Variants in H2AZ2 observed in about 807,000 individuals in gnomAD.
The protein encoded by H2AZ2 is H2A.Z variant histone 2.
H2AZ2 carries 5 observed loss-of-function variants against 15.5 expected under a neutral mutation model. The observed-to-expected ratio is 0.32, with a 90% CI of 0.17 to 0.68. The LOEUF is 0.68. H2AZ2 is among the 30% of genes least tolerant of loss of function. The pLI, the probability that H2AZ2 is intolerant of heterozygous loss-of-function variation, is 0.72. For missense variants in H2AZ2, 42 were observed against 162.5 expected (o/e 0.26, Z 4.03); for synonymous variants, 44 against 57.4 (o/e 0.77, Z 1.05).
chr7:44,835,325 T>C, intron 4 of H2AZ2: 1 of 441,748 alleles, frequency 2.3e-6, no homozygotes. Context: ...CTGGCTAAAA[T>C]AAAAATAGCA....
At chr7:44,847,765 C>T (rs144823791) in intron 1 of H2AZ2, among the ~76,000 whole-genome samples, 2 of 152,204 alleles carry the variant, frequency 1.3e-5, no homozygotes, top group Admixed American at 1.3e-4. Context: ...GCGCTCTACC[C>T]GGCCAGGCCC....
At chr7:44,837,990 A>G (rs13243426) in intron 3 of H2AZ2, among the ~76,000 whole-genome samples, 1 of 150,060 alleles carries the variant, frequency 6.7e-6, no homozygotes, top group Non-Finnish European at 1.5e-5. Flanking sequence ...TCTTTTTTTT[A>G]AGACGGAGTC....
rs1172044728 is a variant in H2AZ2, at chr7:44,847,980, C to A, written c.-9G>T. 1.4e-6 allele frequency: 2 copies of A among 1,443,656 alleles called. No individual in the cohort carries two copies. The highest frequency in any genetic ancestry group is 1.5e-5 in the African/African-American group (1 of 68,004). The allele number at this position is 1,443,656 out of a possible 1,614,324, so 89.4% of individuals were successfully genotyped here. On this transcript the variant is annotated 5_prime_UTR_variant, in exon 1 of 5. Coordinates refer to ENST00000308153, the MANE Select transcript of H2AZ2 (RefSeq NM_012412.5). ...CCGGCCGCCCTTACCATGTTCTCGG[C>A]GCCGACTCCGCCTCCGCTCGGCCGC...
chr7:44,835,144 C>CTTA, intron 4 of H2AZ2: 1 of 216,616 alleles, frequency 4.6e-6, no homozygotes, highest in Non-Finnish European at 9.1e-6. Flanking sequence ...GAACCACCAA[C>CTTA]TTACCTCTCA....
chr7:44,839,690 AT>A (rs1300618778), intron 3 of H2AZ2, among the ~76,000 whole-genome samples: 1 of 151,404 alleles, frequency 6.6e-6, no homozygotes, highest in African/African-American at 2.4e-5. Context: ...TCAAAAAAAA[AT>A]AAATAAATAA....
In H2AZ2 at chr7:44,843,340, A is replaced by T. The variant is rs749690202; in HGVS notation, c.18T>A (p.Ala6=). The change falls in exon 2 of 5, where the codon GCT becomes GCA. Residue 6 remains alanine (A), a synonymous_variant. Transcript: ENST00000308153. ...CCTTGGCCTTCCCACTGTCCTTTCCAGCTTTGCCTCCAGCCTAAATGCAAA... is the reference window on the plus strand; with the variant it reads ...CCTTGGCCTTCCCACTGTCCTTTCCTGCTTTGCCTCCAGCCTAAATGCAAA... MAGGK[A]GKDSGKAKAK... 1 of 1,612,348 alleles carries T rather than the reference A, an allele frequency of 6.2e-7. No homozygotes were observed. The highest frequency in any genetic ancestry group is 8.5e-7 in the Non-Finnish European group (1 of 1,179,442).
At position 44,839,499 on chromosome 7, in the gene H2AZ2, A is replaced by T. The variant is rs377310311; in HGVS notation, c.195+1400T>A. 1.3e-4 allele frequency among the ~76,000 whole-genome samples: 20 copies of T among 150,734 alleles called. No homozygotes were observed. The South Asian group carries it at 1.7e-3, about 13-fold the overall frequency. On this transcript the variant is annotated intron_variant, in intron 3 of 4. Transcript: ENST00000308153. ...AGACCATCCTGGCTACCACGGTGAA[A>T]CCCCGTCTCTACTAAAAATACAAAA...
chr7:44,846,062 C>CACACACACACAGAGAGAG lies in H2AZ2; in HGVS notation c.3+1906_3+1907insCTCTCTCTGTGTGTGTGT, dbSNP rs57468916. Among the ~76,000 whole-genome samples the CACACACACACAGAGAGAG allele has an allele frequency of 5.3e-3, 394 of 75,042 alleles. 1 individual carries two copies. The highest frequency in any genetic ancestry group is 0.014 in the Admixed American group (100 of 7,130). The allele number at this position is 75,042 out of a possible 152,430, so 49.2% of individuals were successfully genotyped here. On this transcript the variant is annotated intron_variant, in intron 1 of 4. Transcript: ENST00000308153. ...ACACACACACACACACACACACACACAGAGAGAGACAGAGAGAGAGAGAGA... is the reference window on the plus strand; with the variant it reads ...ACACACACACACACACACACACACACACACACACACAGAGAGAGAGAGAGAGACAGAGAGAGAGAGAGA...
intron 1 of H2AZ2, among the ~76,000 whole-genome samples, chr7:44,846,062 C>CAGAGAGAG (rs1554336348): frequency 6.8e-4 from 51 of 75,138 alleles, no homozygotes; most frequent in Admixed American, 1.4e-3. Flanking sequence ...CACACACACA[C>CAGAGAGAG]AGAGAGAGAC....
At chr7:44,828,962 C>T (rs1022549008), downstream of H2AZ2, 13 of 152,242 alleles carry the variant, frequency 8.5e-5, no homozygotes, top group South Asian at 4.1e-4. Context: ...CTCCTGCATC[C>T]TCTTCCATTT....
At chr7:44,830,183 C>T (rs767934169), downstream of H2AZ2, 1 of 1,611,890 alleles carries the variant, frequency 6.2e-7, no homozygotes, top group South Asian at 1.1e-5. Context: ...AATAACAGGA[C>T]AAATAGAGAA....
At chr7:44,837,440 A>G (rs1025271268) in intron 3 of H2AZ2, among the ~76,000 whole-genome samples, 21 of 150,316 alleles carry the variant, frequency 1.4e-4, no homozygotes, top group African/African-American at 4.1e-4. Context: ...AAAGAAAAAA[A>G]AAAAAAAAAA....
chr7:44,843,371 AT>A lies in H2AZ2; in HGVS notation c.4-18del, dbSNP rs745980316. 57 of 1,564,886 alleles carry A rather than the reference AT, an allele frequency of 3.6e-5. No individual in the cohort carries two copies. Among genetic ancestry groups the A allele is most frequent in the Admixed American group, 5.4e-5 (3 of 55,450 alleles). ...GCCTCCAGCCTAAATGCAAAAAAAA[AT>A]TTTTTTGAATGAAAAGAGTTGAAAA... On this transcript the variant is annotated intron_variant, in intron 1 of 4. Coordinates refer to ENST00000308153, the MANE Select transcript of H2AZ2 (RefSeq NM_012412.5).
downstream of H2AZ2, chr7:44,828,875 C>T (rs1792962667): frequency 2.0e-5 from 3 of 152,190 alleles, no homozygotes; most frequent in African/African-American, 7.2e-5. Context: ...GAAGGATTCA[C>T]TTCCTTCTCT....
chr7:44,845,730 GT>G (rs1396628305), intron 1 of H2AZ2, among the ~76,000 whole-genome samples: 1 of 152,080 alleles, frequency 6.6e-6, no homozygotes, highest in Non-Finnish European at 1.5e-5. Flanking sequence ...ATACAGTCAG[GT>G]TTTAAAAGCC....
intron 3 of H2AZ2, among the ~76,000 whole-genome samples, chr7:44,839,922 G>C (rs1390486318): frequency 6.6e-6 from 1 of 151,500 alleles, no homozygotes; most frequent in Non-Finnish European, 1.5e-5. Context: ...AGAATTGCTT[G>C]AACCCAAGAA....
chr7:44,835,955 CTTTTTT>C (rs56386314), intron 3 of H2AZ2, among the ~76,000 whole-genome samples: 1 of 90,910 alleles, frequency 1.1e-5, no homozygotes. Flanking sequence ...TTAGAAAAGT[CTTTTTT>C]TTTTTTTTTT....
chr7:44,848,089 C>T, upstream of H2AZ2: 1 of 531,946 alleles, frequency 1.9e-6, no homozygotes, highest in Non-Finnish European at 2.8e-6. Context: ...ATACCCCGTG[C>T]CCGCCTCGCG....
chr7:44,841,067 C>T (rs1465680280), intron 2 of H2AZ2, 55 bp from the exon 3 acceptor site: 2 of 1,287,260 alleles, frequency 1.6e-6, no homozygotes, highest in African/African-American at 1.5e-5. Flanking sequence ...ATTGCACTGA[C>T]TGTAATCAAA....
Sources: gnomAD v4.1 joint callset for allele counts (sites outside exome capture counted in the v4.1 genomes callset) on GRCh38, gnomAD v4.1.1 for gene constraint, MANE v1.5 for transcripts, NCBI Gene and HGNC (gene_info 2026-07-23, HGNC 2026-07-21) for gene names.